Variants in TDRD12 observed in about 807,000 individuals in gnomAD.
TDRD12 encodes the protein putative ATP-dependent RNA helicase TDRD12.
A neutral mutation model predicts 133.5 loss-of-function variants in TDRD12; 158 were observed. The observed-to-expected ratio is 1.18, with a 90% CI of 1.04 to 1.35. The LOEUF is 1.35. TDRD12 is among the 40% of genes most tolerant of loss of function. TDRD12 has a pLI of 0.00. For missense variants in TDRD12, 1,443 were observed against 1,321.3 expected (o/e 1.09, Z -1.43); for synonymous variants, 460 against 477.9 (o/e 0.96, Z 0.49).
At chr19:32,822,740 C>CCGG (rs1555778965), downstream of TDRD12, among the ~76,000 whole-genome samples, 1 of 116,632 alleles carries the variant, frequency 8.6e-6, no homozygotes, top group Non-Finnish European at 1.8e-5. Flanking sequence ...GAGCGAGACT[C>CCGG]CATCTCAAAA....
At position 32,749,781 on chromosome 19, in the gene TDRD12, T is replaced by G. The variant is rs746928958; in HGVS notation, c.497-3T>G. The G allele has an allele frequency of 6.5e-7, 1 of 1,545,790 alleles. No homozygotes were observed. The highest frequency in any genetic ancestry group is 1.4e-5 in the African/African-American group (1 of 72,980). On this transcript the variant is annotated splice_polypyrimidine_tract_variant and splice_region_variant and intron_variant, in intron 5 of 27. Coordinates refer to ENST00000444215, the Ensembl canonical transcript of TDRD12. ...GATTTGTGTTTTCATTTATGCTATT[T>G]AGCAACTACCCAGGTGGAAGCCAGA...
At chr19:32,827,380 T>A in exon 10 of TDRD12, 4 of 454,646 alleles carry the variant, frequency 8.8e-6, no homozygotes, top group Non-Finnish European at 9.3e-6. Flanking sequence ...TTCTTTTTTT[T>A]TTTTTTTTTT....
intron 1 of TDRD12, among the ~76,000 whole-genome samples, chr19:32,728,626 T>C (rs1968933029): frequency 1.3e-5 from 2 of 151,130 alleles, no homozygotes; most frequent in South Asian, 4.2e-4. Context: ...AGTATACCCC[T>C]TGTGAAATTT....
rs1200943013 is a variant in TDRD12 at position 32,811,246 on chromosome 19, C to T, written c.2874C>T (p.Ala958=). 2.2e-5 allele frequency: 34 copies of T among 1,535,980 alleles called. No individual in the cohort carries two copies. The Admixed American group carries it at 6.7e-4, about 30-fold the overall frequency. ...TGGAAGTGAACCAAAAAGAAGACGC[C>T]TGGGCCCTGGATGACATCCTTGTAG... The change falls in exon 24 of 28, where the codon GCC becomes GCT. Residue 958 remains alanine, a synonymous_variant. Coordinates refer to ENST00000444215, the Ensembl canonical transcript of TDRD12.
chr19:32,785,889 C>T (rs1970895133), intron 11 of TDRD12, among the ~76,000 whole-genome samples: 1 of 152,040 alleles, frequency 6.6e-6, no homozygotes, highest in African/African-American at 2.4e-5. Flanking sequence ...ATCCAATTTG[C>T]CAGTCTGTGT....
intron 3 of TDRD12, among the ~76,000 whole-genome samples, chr19:32,739,290 CTGGCTACTCTCTGCATCTCA>C (rs1216141809): frequency 2.6e-5 from 4 of 151,746 alleles, no homozygotes; most frequent in African/African-American, 9.7e-5. Context: ...TCTGCATCTC[CTGGCTACTCTCTGCATCTCA>C]TGGCTACTCT....
At chr19:32,781,255 C>T (rs1287255272) in intron 11 of TDRD12, among the ~76,000 whole-genome samples, 1 of 152,124 alleles carries the variant, frequency 6.6e-6, no homozygotes, top group Non-Finnish European at 1.5e-5. Flanking sequence ...TTTAATCTAT[C>T]TTAAAGATTC....
At position 32,720,876 on chromosome 19, in the gene TDRD12, C is replaced by T. The variant is rs1314170067; in HGVS notation, c.24+780C>T. On this transcript the variant is annotated intron_variant, in intron 1 of 27. Coordinates refer to ENST00000444215, the Ensembl canonical transcript of TDRD12. ...CCGGGCTGGGAGCTGGGGTAGAACCCGGATGAGCCCGGGTTTCACGGGCCC... is the reference window on the plus strand; with the variant it reads ...CCGGGCTGGGAGCTGGGGTAGAACCTGGATGAGCCCGGGTTTCACGGGCCC... Among the ~76,000 whole-genome samples the T allele has an allele frequency of 6.2e-5, 9 of 144,678 alleles. No individual in the cohort carries two copies. In the East Asian group the frequency reaches 1.9e-3, roughly 31 times the overall value. The allele number at this position is 144,678 out of a possible 152,430, so 94.9% of individuals were successfully genotyped here. A position where few individuals can be genotyped will look rare whatever the true frequency, so the allele number is the denominator to read the frequency against.
intron 4 of TDRD12, among the ~76,000 whole-genome samples, chr19:32,746,341 T>C (rs1232747758): frequency 8.3e-6 from 1 of 119,944 alleles, no homozygotes; most frequent in Non-Finnish European, 1.8e-5. Context: ...TTATTCTGTG[T>C]GTGACAGAGA....
At chr19:32,777,128 A>G (rs752753345) in intron 10 of TDRD12, 21 bp from the exon 11 acceptor site, 1 of 1,231,880 alleles carries the variant, frequency 8.1e-7, no homozygotes, top group Non-Finnish European at 1.1e-6. Flanking sequence ...ATTTTAATGA[A>G]TTTTTTTTTT....
At chr19:32,779,293 C>T (rs938009984) in intron 11 of TDRD12, among the ~76,000 whole-genome samples, 2 of 152,192 alleles carry the variant, frequency 1.3e-5, no homozygotes, top group African/African-American at 4.8e-5. Flanking sequence ...CTGTGTGACA[C>T]CTGTGGTTTT....
intron 3 of TDRD12, among the ~76,000 whole-genome samples, chr19:32,739,954 A>G (rs376122058): frequency 0.03 from 1,708 of 56,484 alleles, 13 homozygotes; most frequent in Middle Eastern, 0.036. Flanking sequence ...TGCATCTCCT[A>G]GGTACTCTAT....
At chr19:32,732,750 C>T (rs565881077) in intron 2 of TDRD12, among the ~76,000 whole-genome samples, 2 of 152,322 alleles carry the variant, frequency 1.3e-5, no homozygotes, top group South Asian at 2.1e-4. Context: ...ATCCACTTCC[C>T]CCAAATCATC....
At chr19:32,725,692 A>G (rs945094754) in intron 1 of TDRD12, among the ~76,000 whole-genome samples, 6 of 152,106 alleles carry the variant, frequency 3.9e-5, no homozygotes, top group African/African-American at 1.2e-4. Flanking sequence ...TGTCGTGGCT[A>G]TATGGACTCT....
At chr19:32,748,634 G>A (rs1969729979) in intron 5 of TDRD12, 103 bp downstream of exon 5, 20 of 1,217,636 alleles carry the variant, frequency 1.6e-5, no homozygotes, top group Middle Eastern at 2.4e-4. Context: ...TTGGCCAAAC[G>A]GCCCTCCTCA....
downstream of TDRD12, among the ~76,000 whole-genome samples, chr19:32,825,133 C>T (rs921122798): frequency 9.2e-5 from 14 of 152,166 alleles, no homozygotes; most frequent in South Asian, 2.1e-4. The surrounding 1 kb of genome is among the most constrained non-coding windows in gnomAD (Gnocchi z 4.1). Context: ...AGGTTCTTGA[C>T]GTCACTGGGT....
At chr19:32,741,021 T>C (rs1969409259) in intron 3 of TDRD12, among the ~76,000 whole-genome samples, 1 of 152,228 alleles carries the variant, frequency 6.6e-6, no homozygotes, top group Non-Finnish European at 1.5e-5. Flanking sequence ...ATGAGGATTC[T>C]GATTTCACTG....
At chr19:32,757,291 G>A (rs965667240) in intron 8 of TDRD12, among the ~76,000 whole-genome samples, 161 bp downstream of exon 8, 2 of 152,226 alleles carry the variant, frequency 1.3e-5, no homozygotes, top group South Asian at 2.1e-4. Context: ...GAGTTCATGT[G>A]TCCTGCATTT....
intron 8 of TDRD12, among the ~76,000 whole-genome samples, chr19:32,768,902 G>A (rs980541158): frequency 3.3e-5 from 5 of 151,926 alleles, no homozygotes; most frequent in Admixed American, 6.6e-5. Context: ...CTTATAATAA[G>A]CTTTGAGAGT....
Sources: gnomAD v4.1 joint callset for allele counts (sites outside exome capture counted in the v4.1 genomes callset) on GRCh38, gnomAD v4.1.1 for gene constraint, Gnocchi (gnomAD v3.1) non-coding constraint, MANE v1.5 for transcripts, NCBI Gene and HGNC (gene_info 2026-07-23, HGNC 2026-07-21) for gene names.